ENTREP2: variants seen among roughly 807,000 people sequenced by gnomAD.
ENTREP2 encodes endosomal transmembrane epsin interactor 2, also known as protein ENTREP2.
the ENTREP2 span, among the ~76,000 whole-genome samples, chr15:29,206,822 T>C: frequency 4.6e-5 from 7 of 152,142 alleles, no homozygotes; most frequent in Admixed American, 2.0e-4. Flanking sequence ...TAAAGGTGTT[T>C]CAGAAAAAAA....
the ENTREP2 span, among the ~76,000 whole-genome samples, chr15:29,569,350 G>A: frequency 2.6e-5 from 4 of 152,276 alleles, no homozygotes; most frequent in East Asian, 5.8e-4. Context: ...TATGGTAAAA[G>A]CCATGCAATG....
chr15:29,559,177 T>G, the ENTREP2 span, among the ~76,000 whole-genome samples: 1 of 152,142 alleles, frequency 6.6e-6, no homozygotes, highest in Admixed American at 6.5e-5. Context: ...GCAAAAAAAG[T>G]AAGCACTCAT....
At chr15:29,504,614 G>A in the ENTREP2 span, among the ~76,000 whole-genome samples, 2 of 152,190 alleles carry the variant, frequency 1.3e-5, no homozygotes, top group African/African-American at 4.8e-5. Context: ...CATGAATTCT[G>A]CCTCGTGCTT....
the ENTREP2 span, among the ~76,000 whole-genome samples, chr15:29,523,393 G>A: frequency 3.3e-5 from 5 of 152,110 alleles, no homozygotes; most frequent in East Asian, 7.7e-4. Flanking sequence ...TAACAAAAGA[G>A]ATATAACTTG....
chr15:29,316,538 C>T, the ENTREP2 span, among the ~76,000 whole-genome samples: 1 of 152,114 alleles, frequency 6.6e-6, no homozygotes, highest in Non-Finnish European at 1.5e-5. Context: ...TAGAGGTAGG[C>T]ATGTATGTAT....
At chr15:29,269,384 G>T in the ENTREP2 span, 2 of 1,614,152 alleles carry the variant, frequency 1.2e-6, no homozygotes, top group South Asian at 2.2e-5. Context: ...ATGTCGGCCC[G>T]CTTGATCGGA....
the ENTREP2 span, among the ~76,000 whole-genome samples, chr15:29,632,456 C>T: frequency 6.6e-6 from 1 of 152,064 alleles, no homozygotes; most frequent in Non-Finnish European, 1.5e-5. Flanking sequence ...ACAGAAATGT[C>T]TTATAACCTG....
the ENTREP2 span, among the ~76,000 whole-genome samples, chr15:29,352,644 G>A: frequency 2.4e-4 from 36 of 152,086 alleles, no homozygotes; most frequent in Non-Finnish European, 7.4e-5. Flanking sequence ...AGACACTGAT[G>A]AGCCTGTCCT....
chr15:29,262,071 A>G, the ENTREP2 span, among the ~76,000 whole-genome samples: 1 of 138,864 alleles, frequency 7.2e-6, no homozygotes, highest in South Asian at 2.5e-4. Flanking sequence ...CCCAGCACAA[A>G]TGGCTCCAGA....
the ENTREP2 span, among the ~76,000 whole-genome samples, chr15:29,225,505 G>C: frequency 3.9e-5 from 6 of 152,172 alleles, no homozygotes; most frequent in African/African-American, 1.4e-4. Flanking sequence ...TTCACCCGCA[G>C]CTTACCAGGA....
the ENTREP2 span, chr15:29,269,384 G>A: frequency 6.2e-7 from 1 of 1,614,152 alleles, no homozygotes; most frequent in Non-Finnish European, 8.5e-7. Context: ...ATGTCGGCCC[G>A]CTTGATCGGA....
At chr15:29,620,970 C>T in the ENTREP2 span, among the ~76,000 whole-genome samples, 3 of 152,074 alleles carry the variant, frequency 2.0e-5, no homozygotes, top group Non-Finnish European at 4.4e-5. Context: ...ATCGATTATC[C>T]CAGGCATGTG....
chr15:29,299,317 T>A, the ENTREP2 span, among the ~76,000 whole-genome samples: 10 of 152,144 alleles, frequency 6.6e-5, no homozygotes, highest in African/African-American at 2.2e-4. Context: ...CCAGGCACAG[T>A]GGAGATGGCT....
the ENTREP2 span, among the ~76,000 whole-genome samples, chr15:29,332,452 T>C: frequency 6.6e-6 from 1 of 152,130 alleles, no homozygotes; most frequent in Non-Finnish European, 1.5e-5. Context: ...AAGGAATAAA[T>C]TCTCATTTCG....
chr15:29,347,874 T>A, the ENTREP2 span, among the ~76,000 whole-genome samples: 4 of 152,164 alleles, frequency 2.6e-5, no homozygotes, highest in African/African-American at 7.2e-5. Context: ...CAGAGGTCAA[T>A]TCAGATTTTT....
the ENTREP2 span, among the ~76,000 whole-genome samples, chr15:29,209,201 T>TA: frequency 1.6e-4 from 25 of 152,264 alleles, 1 homozygote; most frequent in South Asian, 2.1e-3. Context: ...GGATTAATTT[T>TA]TAAAAAATAC....
chr15:29,159,424 C>A, the ENTREP2 span, among the ~76,000 whole-genome samples: 1 of 152,150 alleles, frequency 6.6e-6, no homozygotes, highest in East Asian at 1.9e-4. Context: ...AAAGCTTCCA[C>A]AGCATAGAAA....
chr15:29,223,741 G>C, the ENTREP2 span, among the ~76,000 whole-genome samples: 1 of 152,122 alleles, frequency 6.6e-6, no homozygotes, highest in African/African-American at 2.4e-5. Context: ...AAGGTAGCCA[G>C]AGAGGCTGGT....
At chr15:29,474,324 C>G in the ENTREP2 span, among the ~76,000 whole-genome samples, 1 of 152,132 alleles carries the variant, frequency 6.6e-6, no homozygotes, top group South Asian at 2.1e-4. Context: ...AGGCTGCGCC[C>G]GGCGTCAGGG....
Sources: allele counts gnomAD v4.1 joint callset (sites outside exome capture counted in the v4.1 genomes callset), GRCh38; gene constraint gnomAD v4.1.1; transcripts MANE v1.5; gene names NCBI Gene and HGNC (gene_info 2026-07-23, HGNC 2026-07-21).